PRRT1: variants seen among roughly 807,000 people sequenced by gnomAD.
The protein encoded by PRRT1 is proline rich transmembrane protein 1, also known as proline-rich transmembrane protein 1.
In PRRT1, 8 loss-of-function variants were observed where a neutral mutation model predicts 22.6. The observed-to-expected ratio is 0.35, with a 90% confidence interval of 0.21 to 0.64. The LOEUF is 0.64. Ranked by LOEUF, PRRT1 falls within the 30% of genes least tolerant of loss-of-function variation. The probability of loss-of-function intolerance (pLI) is 0.69; values close to 1 mark genes in which losing one functional copy is unlikely to be tolerated. For missense variants in PRRT1, 315 were observed against 444.5 expected (o/e 0.71, Z 2.62); for synonymous variants, 176 against 203.6 (o/e 0.86, Z 1.15).
At chr6:32,151,951 C>CGCGGGGGG, upstream of PRRT1, 6 of 214,868 alleles carry the variant, frequency 2.8e-5, no homozygotes, top group African/African-American at 1.0e-4. Context: ...AAGGCAGCGG[C>CGCGGGGGG]GGGGGGGGGG....
chr6:32,150,597 TC>T lies in PRRT1; in HGVS notation c.328del (p.Asp110ThrfsTer55). The T allele has an allele frequency of 2.9e-6, 4 of 1,388,030 alleles. No homozygotes were observed. The highest frequency in any genetic ancestry group is 2.8e-6 in the Non-Finnish European group (3 of 1,075,242). 86.0% of individuals were successfully genotyped at this position (1,388,030 alleles called of 1,614,324 possible). A position where few individuals can be genotyped will look rare whatever the true frequency, so the allele number is the denominator to read the frequency against. ...GCATLPRMPP[D>X]PYLQETRFEG... ...GAAGCGAGTCTCCTGCAGGTAAGGG[TC>T]GGGTGGCATGCGGGGCAAGGTAGCG... On this transcript the variant is annotated frameshift_variant, in exon 2 of 4. Transcript: ENST00000211413. LOFTEE classifies it high-confidence loss of function. The surrounding 1 kb of genome is among the most constrained non-coding windows in gnomAD (Gnocchi z 7.2).
At chr6:32,152,108 C>G (rs184833506), upstream of PRRT1, 1 of 700,072 alleles carries the variant, frequency 1.4e-6, no homozygotes, top group Admixed American at 2.0e-5. Flanking sequence ...GGCATTCAAG[C>G]CCCCAGTTTG....
In PRRT1 at chr6:32,148,885, T is replaced by G; in HGVS notation, c.*337A>C. The G allele has an allele frequency of 1.7e-6, 1 of 594,602 alleles. No homozygotes were observed. The highest frequency in any genetic ancestry group is 1.8e-5 in the African/African-American group (1 of 55,022). The allele number at this position is 594,602 out of a possible 1,614,324, so 36.8% of individuals were successfully genotyped here. On this transcript the variant is annotated 3_prime_UTR_variant, in exon 4 of 4. Transcript: ENST00000211413. The surrounding 1 kb of genome is among the most constrained non-coding windows in gnomAD (Gnocchi z 5.7). Reference sequence around the variant, plus strand: ...TTTGTCAGAGCTGGGGCGGTGCTTATAGAGGAGGCGGGGTTTTAGGGACCA... The same window carrying G: ...TTTGTCAGAGCTGGGGCGGTGCTTAGAGAGGAGGCGGGGTTTTAGGGACCA...
At chr6:32,151,965 G>GGGA, upstream of PRRT1, 1 of 262,812 alleles carries the variant, frequency 3.8e-6, no homozygotes, top group Non-Finnish European at 7.4e-6. Flanking sequence ...GGGGGGGGGC[G>GGGA]GGGGGGGCGG....
At chr6:32,151,199 C>A (rs2127379091) in intron 1 of PRRT1, 2 of 653,696 alleles carry the variant, frequency 3.1e-6, no homozygotes, top group South Asian at 3.2e-5. Flanking sequence ...CAGACCTAAT[C>A]CCCTCTCCTT....
Position 32,149,229 on chromosome 6 carries a change from T to A in PRRT1, c.914A>T (p.Asp305Val). Reference protein sequence around the residue: ...IAAQHHENYWDP With the variant: ...IAAQHHENYWVP ...GCCGGACCAGGGGCGTTTTTAGGGA[T>A]CCCAGTAGTTCTCGTGGTGCTGCGC... Residue 305 changes from aspartate to valine, a missense_variant, in exon 4 of 4, where the codon GAT becomes GTT. Asp to Val is a radical substitution (Grantham distance 152). Coordinates refer to ENST00000211413, the MANE Select transcript of PRRT1 (RefSeq NM_030651.4). This position sits in a 1 kb window ranked among gnomAD's most constrained non-coding sequence, Gnocchi z 8.7. 1.2e-6 allele frequency: 2 copies of A among 1,611,540 alleles called. No homozygotes were observed.
intron 1 of PRRT1, chr6:32,151,256 T>C: frequency 1.8e-6 from 1 of 554,520 alleles, no homozygotes; most frequent in South Asian, 2.0e-5. Flanking sequence ...GTCCTGTGTG[T>C]GCGTATGCGT....
chr6:32,151,360 G>C (rs1219004189), intron 1 of PRRT1: 1 of 413,496 alleles, frequency 2.4e-6, no homozygotes, highest in Non-Finnish European at 4.5e-6. Flanking sequence ...TCCTTCAGTG[G>C]GGGGAGGAGT....
At chr6:32,151,717 A>T in intron 1 of PRRT1, 92 bp downstream of exon 1, 2 of 590,314 alleles carry the variant, frequency 3.4e-6, no homozygotes, top group Non-Finnish European at 5.7e-6. Flanking sequence ...ATAGAACCAC[A>T]GCTGAGGAGG....
chr6:32,149,243 G>T lies in PRRT1; in HGVS notation c.900C>A (p.His300Gln), dbSNP rs771461251. Reference sequence around the variant, plus strand: ...GTTTTTAGGGATCCCAGTAGTTCTCGTGGTGCTGCGCGGCGATGATGATGA... The same window carrying T: ...GTTTTTAGGGATCCCAGTAGTTCTCTTGGTGCTGCGCGGCGATGATGATGA... ...TVVIIIAAQH[H>Q]ENYWDP is the part of the protein sequence containing the mutation. Residue 300 changes from histidine (H) to glutamine (Q), a missense_variant, in exon 4 of 4, where the codon CAC becomes CAA. Around this residue, in one of 4 missense-constraint regions of PRRT1, gnomAD observed 24 missense variants for 38.2 expected, o/e 0.63. Transcript: ENST00000211413. The surrounding 1 kb of genome is among the most constrained non-coding windows in gnomAD (Gnocchi z 8.7). The T allele has an allele frequency of 6.8e-6, 11 of 1,611,792 alleles. No individual in the cohort carries two copies. The African/African-American group carries it at 1.3e-4, about 20-fold the overall frequency.
At chr6:32,151,113 A>G (rs1685868381) in intron 1 of PRRT1, 3 of 703,396 alleles carry the variant, frequency 4.3e-6, no homozygotes, top group East Asian at 5.4e-5. Flanking sequence ...TCTTCCTTCC[A>G]ATCTAGTTTT....
chr6:32,151,851 G>T lies in PRRT1; in HGVS notation c.-24C>A. 1 of 1,609,820 alleles carries T rather than the reference G, an allele frequency of 6.2e-7. No homozygotes were observed. The highest frequency in any genetic ancestry group is 8.5e-7 in the Non-Finnish European group (1 of 1,178,824). On this transcript the variant is annotated 5_prime_UTR_variant, in exon 1 of 4. Coordinates refer to ENST00000211413, the MANE Select transcript of PRRT1 (RefSeq NM_030651.4). ...ATGCCTGCGGTCTCGCTGGGACAGG[G>T]TCCCTGCAGCCGGAGTGGGGGTCCT... is the stretch of plus-strand genomic sequence containing the variant.
chr6:32,151,948 C>CGGCGGGGGGGGGGG, upstream of PRRT1: 1 of 166,576 alleles, frequency 6.0e-6, no homozygotes, highest in Non-Finnish European at 1.1e-5. Context: ...ATGAAGGCAG[C>CGGCGGGGGGGGGGG]GGCGGGGGGG....
At chr6:32,151,751 G>T in intron 1 of PRRT1, 58 bp downstream of exon 1, 1 of 1,234,114 alleles carries the variant, frequency 8.1e-7, no homozygotes, top group Non-Finnish European at 1.2e-6. Context: ...GTTGGGGCAA[G>T]GGGGACGGAG....
intron 1 of PRRT1, chr6:32,151,532 T>C (rs891589624): frequency 7.1e-6 from 4 of 562,762 alleles, no homozygotes; most frequent in Non-Finnish European, 1.3e-5. Context: ...CTCCCAATGA[T>C]GCCATCCCTG....
Position 32,150,000 on chromosome 6 carries a change from C to T in PRRT1, c.559-278G>A, listed in dbSNP as rs1783169422. The T allele has an allele frequency of 9.6e-6, 5 of 519,132 alleles. No homozygotes were observed. Among genetic ancestry groups the T allele is most frequent in the Non-Finnish European group, 1.7e-5 (5 of 297,892 alleles). The allele number at this position is 519,132 out of a possible 1,614,324, so 32.2% of individuals were successfully genotyped here. On this transcript the variant is annotated intron_variant, in intron 2 of 3. Transcript: ENST00000211413. The surrounding 1 kb of genome is among the most constrained non-coding windows in gnomAD (Gnocchi z 8.7). ...CCTGGCCTCAGGTCAGACCTTCTTTCTTCCCTCCAGACACCTACCAGGCCT... is the reference window on the plus strand; with the variant it reads ...CCTGGCCTCAGGTCAGACCTTCTTTTTTCCCTCCAGACACCTACCAGGCCT...
chr6:32,151,424 C>G (rs948005121), intron 1 of PRRT1: 2 of 422,234 alleles, frequency 4.7e-6, no homozygotes, highest in African/African-American at 4.0e-5. Flanking sequence ...TTAAGAAGAG[C>G]CCTCTGGATT....
At position 32,150,551 on chromosome 6, in the gene PRRT1, C is replaced by T; in HGVS notation, c.375G>A (p.Pro125=). 2 of 1,360,630 alleles carry T rather than the reference C, an allele frequency of 1.5e-6. No individual in the cohort carries two copies. The highest frequency in any genetic ancestry group is 9.4e-7 in the Non-Finnish European group (1 of 1,059,616). The allele number at this position is 1,360,630 out of a possible 1,614,324, so 84.3% of individuals were successfully genotyped here. A position where few individuals can be genotyped will look rare whatever the true frequency, so the allele number is the denominator to read the frequency against. ...GGGGCGGGGCGGCGGCAGCGGGCGG[C>T]GGCGGGGGAAGTGGGCCCTCGAAGC... ...ETRFEGPLPP[P]PPAAAAPPPP... is the part of the protein sequence containing the mutation. Residue 125 remains proline (P), a synonymous_variant, in exon 2 of 4, where the codon CCG becomes CCA. Transcript: ENST00000211413. This position sits in a 1 kb window ranked among gnomAD's most constrained non-coding sequence, Gnocchi z 7.2.
Position 32,148,798 on chromosome 6 carries a change from C to T in PRRT1, c.*424G>A. ...AGGCCTGGAGCCACAAACCCAATCACTGGACTGAATCACCCCGCGGAGAAG... is the reference window on the plus strand; with the variant it reads ...AGGCCTGGAGCCACAAACCCAATCATTGGACTGAATCACCCCGCGGAGAAG... On this transcript the variant is annotated 3_prime_UTR_variant, in exon 4 of 4. Transcript: ENST00000211413. The surrounding 1 kb of genome is among the most constrained non-coding windows in gnomAD (Gnocchi z 5.7). The T allele has an allele frequency of 4.1e-6, 2 of 483,466 alleles. No homozygotes were observed. The highest frequency in any genetic ancestry group is 8.2e-6 in the Non-Finnish European group (2 of 245,198). 29.9% of individuals were successfully genotyped at this position (483,466 alleles called of 1,614,324 possible). A position where few individuals can be genotyped will look rare whatever the true frequency, so the allele number is the denominator to read the frequency against.
Sources: gnomAD v4.1 joint callset for allele counts on GRCh38, gnomAD v4.1.1 for gene constraint, gnomAD v4.1.1 regional missense constraint, Gnocchi (gnomAD v3.1) non-coding constraint, MANE v1.5 for transcripts, NCBI Gene and HGNC (gene_info 2026-07-23, HGNC 2026-07-21) for gene names.